Variants in FOXK2 observed in about 807,000 individuals in gnomAD.
The protein encoded by FOXK2 is forkhead box protein K2.
Under a neutral mutation model 53.3 loss-of-function variants are expected in FOXK2, and 24 were observed. That is an observed-to-expected ratio of 0.45 (90% CI 0.33 to 0.63). The LOEUF (loss-of-function observed/expected upper bound fraction) is 0.63, where lower values mean the gene tolerates loss of function less well. Ranked by LOEUF, FOXK2 falls within the 30% of genes least tolerant of loss-of-function variation. The probability of loss-of-function intolerance (pLI) is 0.03; values close to 1 mark genes in which losing one functional copy is unlikely to be tolerated. For missense variants in FOXK2, 952 were observed against 910.5 expected (o/e 1.05, Z -0.59); for synonymous variants, 505 against 407.1 (o/e 1.24, Z -2.89).
At chr17:82,538,106 C>G (rs1018714331) in intron 1 of FOXK2, among the ~76,000 whole-genome samples, 4 of 151,776 alleles carry the variant, frequency 2.6e-5, no homozygotes, top group African/African-American at 9.7e-5. Flanking sequence ...GCCTGTAATC[C>G]CAGCTACTTG....
chr17:82,580,480 C>T (rs2045047413), intron 4 of FOXK2, among the ~76,000 whole-genome samples: 3 of 48,102 alleles, frequency 6.2e-5, no homozygotes. Flanking sequence ...GGCCCAGATC[C>T]CTCCCACACA....
At chr17:82,528,587 C>G (rs1437536244) in intron 1 of FOXK2, among the ~76,000 whole-genome samples, 1 of 152,192 alleles carries the variant, frequency 6.6e-6, no homozygotes, top group Non-Finnish European at 1.5e-5. Context: ...ACATTACCAT[C>G]TCTACAATGT....
At chr17:82,595,459 G>A (rs2045300272) in intron 8 of FOXK2, among the ~76,000 whole-genome samples, 1 of 152,138 alleles carries the variant, frequency 6.6e-6, no homozygotes, top group South Asian at 2.1e-4. Flanking sequence ...GTACAAACAT[G>A]TCCAGCTAAT....
intron 8 of FOXK2, among the ~76,000 whole-genome samples, chr17:82,591,513 G>A (rs2045252805): frequency 6.6e-6 from 1 of 152,214 alleles, no homozygotes; most frequent in Non-Finnish European, 1.5e-5. Context: ...CTTACAGGAA[G>A]GGAAGCCCCA....
chr17:82,566,503 T>C (rs907126392), intron 2 of FOXK2, among the ~76,000 whole-genome samples: 1 of 152,122 alleles, frequency 6.6e-6, no homozygotes, highest in African/African-American at 2.4e-5. Context: ...CACAAGTCAG[T>C]CCTGCCGCCC....
rs878919935 is a variant in FOXK2 at position 82,586,209 on chromosome 17, A to G, written c.1576+9A>G. 8.3e-3 allele frequency: 11,495 copies of G among 1,387,702 alleles called. 477 individuals are homozygous for G. The African/African-American group carries it at 0.12, about 14-fold the overall frequency. 86.0% of individuals were successfully genotyped at this position (1,387,702 alleles called of 1,614,324 possible). ...CCACAGGGAAGTCAAAGGTAGGCGG[A>G]GGGGAAAGGAGGAGAGGGGAGACCA... On this transcript the variant is annotated intron_variant, in intron 7 of 8. Transcript: ENST00000335255.
chr17:82,532,064 G>A (rs1190778702), intron 1 of FOXK2, among the ~76,000 whole-genome samples: 1 of 152,040 alleles, frequency 6.6e-6, no homozygotes, highest in South Asian at 2.1e-4. Flanking sequence ...TGTCCAGGCT[G>A]GTCTTGAACT....
chr17:82,554,953 T>A (rs1395881428), intron 1 of FOXK2, among the ~76,000 whole-genome samples: 1 of 151,994 alleles, frequency 6.6e-6, no homozygotes, highest in Non-Finnish European at 1.5e-5. Context: ...TTCACCATAT[T>A]GGCCAGGCTG....
At chr17:82,584,327 C>T (rs2045105731) in intron 6 of FOXK2, 139 bp downstream of exon 6, 1 of 864,036 alleles carries the variant, frequency 1.2e-6, no homozygotes, top group South Asian at 2.6e-5. Context: ...TTTTATAGGC[C>T]TTGGAAAACT....
intron 1 of FOXK2, among the ~76,000 whole-genome samples, chr17:82,535,014 G>A (rs2044506859): frequency 6.6e-6 from 1 of 152,130 alleles, no homozygotes; most frequent in African/African-American, 2.4e-5. Context: ...GGAGTAGCTG[G>A]GATTACAGAT....
At chr17:82,568,441 G>A (rs556693091) in intron 3 of FOXK2, among the ~76,000 whole-genome samples, 4 of 152,340 alleles carry the variant, frequency 2.6e-5, no homozygotes, top group South Asian at 2.1e-4. Context: ...GTAGGCCCAG[G>A]TGCTGAGGGC....
intron 1 of FOXK2, among the ~76,000 whole-genome samples, chr17:82,533,800 C>G (rs545902337): frequency 6.6e-6 from 1 of 151,604 alleles, no homozygotes; most frequent in Non-Finnish European, 1.5e-5. Flanking sequence ...GTAGGTTAGC[C>G]GGGCGTGGTG....
At chr17:82,576,657 C>T (rs1305315508) in intron 4 of FOXK2, 7 of 1,160,404 alleles carry the variant, frequency 6.0e-6, no homozygotes, top group Non-Finnish European at 8.9e-6. Context: ...AGATGATTGA[C>T]ACAACGAAGT....
chr17:82,558,942 G>T (rs1009919576), intron 1 of FOXK2, among the ~76,000 whole-genome samples: 1 of 152,068 alleles, frequency 6.6e-6, no homozygotes, highest in African/African-American at 2.4e-5. Context: ...GTAGAGACGG[G>T]GTTTCACCGT....
chr17:82,559,182 C>G (rs887159094), intron 1 of FOXK2, among the ~76,000 whole-genome samples: 4 of 152,236 alleles, frequency 2.6e-5, no homozygotes, highest in Non-Finnish European at 4.4e-5. Flanking sequence ...GCGTGAGCTA[C>G]TGAGCCTGGC....
chr17:82,525,038 C>T (rs1193205315), intron 1 of FOXK2, among the ~76,000 whole-genome samples: 3 of 151,134 alleles, frequency 2.0e-5, no homozygotes, highest in Admixed American at 6.6e-5. Flanking sequence ...TACAGTGGCA[C>T]GATCTCGGCT....
chr17:82,602,318 TTTG>T lies in FOXK2; in HGVS notation c.*825_*827del, dbSNP rs1443971423. On this transcript the variant is annotated 3_prime_UTR_variant, in exon 9 of 9. Coordinates refer to ENST00000335255, the MANE Select transcript of FOXK2 (RefSeq NM_004514.4). Reference sequence around the variant, plus strand: ...TTAACTGTTCTCTTTCTGGCTATTTTTTGTTGTTTGTTTCTTTGTGTTGACTTT... The same window carrying T: ...TTAACTGTTCTCTTTCTGGCTATTTTTTGTTTGTTTCTTTGTGTTGACTTT... The T allele has an allele frequency of 1.3e-5, 2 of 152,240 alleles. No individual in the cohort carries two copies. The highest frequency in any genetic ancestry group is 1.5e-5 in the Non-Finnish European group (1 of 68,056). The allele number at this position is 152,240 out of a possible 1,614,324, so 9.4% of individuals were successfully genotyped here.
At chr17:82,555,167 A>G (rs1383886633) in intron 1 of FOXK2, among the ~76,000 whole-genome samples, 1 of 152,120 alleles carries the variant, frequency 6.6e-6, no homozygotes, top group Non-Finnish European at 1.5e-5. Flanking sequence ...ATTGACCCCA[A>G]GTGCTTCTGT....
At chr17:82,538,637 G>T (rs922081641) in intron 1 of FOXK2, among the ~76,000 whole-genome samples, 2 of 152,218 alleles carry the variant, frequency 1.3e-5, no homozygotes, top group Admixed American at 6.5e-5. Context: ...TATCATGTAT[G>T]GTGTAGAAGA....
Sources: allele counts gnomAD v4.1 joint callset (sites outside exome capture counted in the v4.1 genomes callset), GRCh38; gene constraint gnomAD v4.1.1; transcripts MANE v1.5; gene names NCBI Gene and HGNC (gene_info 2026-07-23, HGNC 2026-07-21).